Variants in PRSS55 observed in about 807,000 individuals in gnomAD.
The protein encoded by PRSS55 is serine protease 55.
A neutral mutation model predicts 23.6 loss-of-function variants in PRSS55; 41 were observed. That is an observed-to-expected ratio of 1.74 (90% confidence interval 1.35 to 2.26). The LOEUF is 2.26. Ranked by LOEUF, PRSS55 falls within the 30% of genes most tolerant of loss-of-function variation. PRSS55 has a pLI of 0.00. For missense variants in PRSS55, 669 were observed against 439.1 expected (o/e 1.52, Z -4.68); for synonymous variants, 262 against 175.5 (o/e 1.49, Z -3.90).
intron 4 of PRSS55, among the ~76,000 whole-genome samples, chr8:10,550,305 G>A (rs1236131467): frequency 1.3e-5 from 2 of 152,174 alleles, no homozygotes; most frequent in African/African-American, 2.4e-5. Flanking sequence ...TGGGGGTCTA[G>A]AACTCCCAGC....
Position 10,550,543 on chromosome 8 carries a change from T to G in PRSS55, c.742-3400T>G, listed in dbSNP as rs139921492. On this transcript the variant is annotated intron_variant, in intron 4 of 4. Transcript: ENST00000522210. Reference sequence around the variant, plus strand: ...CAAACTCCAGCACACTCCCAGCTGATGCCGTTTTGTTGAGTTGACTGGAGA... The same window carrying G: ...CAAACTCCAGCACACTCCCAGCTGAGGCCGTTTTGTTGAGTTGACTGGAGA... 2.6e-3 allele frequency among the ~76,000 whole-genome samples: 401 copies of G among 152,308 alleles called. 1 individual carries two copies. Among genetic ancestry groups the G allele is most frequent in the African/African-American group, 9.3e-3 (385 of 41,582 alleles).
At chr8:10,542,057 A>G (rs1812671283), downstream of PRSS55, among the ~76,000 whole-genome samples, 1 of 152,212 alleles carries the variant, frequency 6.6e-6, no homozygotes, top group Non-Finnish European at 1.5e-5. Context: ...GATGACAGGC[A>G]TTAAGTCACC....
downstream of PRSS55, among the ~76,000 whole-genome samples, chr8:10,542,700 T>A (rs1332570113): frequency 6.8e-6 from 1 of 147,590 alleles, no homozygotes; most frequent in Admixed American, 7.1e-5. Context: ...AAACCCCATC[T>A]CAACTAAAAA....
At chr8:10,531,675 C>T in intron 3 of PRSS55, 130 bp downstream of exon 3, 1 of 1,356,642 alleles carries the variant, frequency 7.4e-7, no homozygotes, top group Admixed American at 2.4e-5. Context: ...TCTCACAGTG[C>T]CCAAAGTTTA....
intron 1 of PRSS55, among the ~76,000 whole-genome samples, chr8:10,528,723 A>C (rs1585865777): frequency 6.6e-6 from 1 of 152,196 alleles, no homozygotes; most frequent in Non-Finnish European, 1.5e-5. Flanking sequence ...GGCTTAAACA[A>C]CACAAATGTC....
chr8:10,549,003 T>G (rs1395804256), intron 4 of PRSS55, among the ~76,000 whole-genome samples: 2 of 152,166 alleles, frequency 1.3e-5, no homozygotes, highest in Non-Finnish European at 1.5e-5. Flanking sequence ...GCATCTCGTC[T>G]GTGGGTGCTG....
At chr8:10,533,683 G>C (rs767965132) in intron 4 of PRSS55, among the ~76,000 whole-genome samples, 8 of 152,194 alleles carry the variant, frequency 5.3e-5, no homozygotes, top group Non-Finnish European at 1.2e-4. Context: ...TTAATGCTCA[G>C]AGGTGCTCCC....
At chr8:10,538,037 T>C (rs1045555637) in intron 4 of PRSS55, among the ~76,000 whole-genome samples, 3 of 152,216 alleles carry the variant, frequency 2.0e-5, no homozygotes, top group Non-Finnish European at 2.9e-5. Flanking sequence ...CTCTCTGTGC[T>C]TCTGCAAGAA....
At chr8:10,548,566 A>G (rs886908357) in intron 4 of PRSS55, among the ~76,000 whole-genome samples, 13 of 150,806 alleles carry the variant, frequency 8.6e-5, no homozygotes, top group Admixed American at 4.6e-4. Flanking sequence ...GTCACTTTGG[A>G]CCCTTTCCTT....
At chr8:10,537,074 C>T (rs569691370) in intron 4 of PRSS55, among the ~76,000 whole-genome samples, 1 of 152,052 alleles carries the variant, frequency 6.6e-6, no homozygotes, top group African/African-American at 2.4e-5. Flanking sequence ...ATGGAGGGTA[C>T]TAAAAAAATT....
chr8:10,553,014 G>T (rs1812984400), intron 4 of PRSS55, among the ~76,000 whole-genome samples: 1 of 152,226 alleles, frequency 6.6e-6, no homozygotes, highest in Admixed American at 6.5e-5. Context: ...ATGTGGTTTA[G>T]TTCTGTGTCC....
At chr8:10,542,254 T>A (rs1812677284), downstream of PRSS55, among the ~76,000 whole-genome samples, 1 of 152,052 alleles carries the variant, frequency 6.6e-6, no homozygotes, top group Non-Finnish European at 1.5e-5. Context: ...CCAGTGCGGA[T>A]GTGTGGGGAC....
At chr8:10,537,683 T>C (rs1156399214) in intron 4 of PRSS55, among the ~76,000 whole-genome samples, 2 of 152,236 alleles carry the variant, frequency 1.3e-5, no homozygotes, top group East Asian at 3.8e-4. Context: ...GCACATTGTA[T>C]GCCTATATCA....
At chr8:10,529,729 T>A in intron 2 of PRSS55, 30 bp downstream of exon 2, 2 of 1,593,934 alleles carry the variant, frequency 1.3e-6, no homozygotes, top group Non-Finnish European at 8.6e-7. Flanking sequence ...CACTGCCACC[T>A]CTCAGGGCGC....
intron 4 of PRSS55, among the ~76,000 whole-genome samples, chr8:10,533,582 C>A (rs568941861): frequency 6.6e-6 from 1 of 152,024 alleles, no homozygotes; most frequent in Non-Finnish European, 1.5e-5. Context: ...AATGAATACA[C>A]GTTCTTTCTA....
downstream of PRSS55, among the ~76,000 whole-genome samples, chr8:10,539,207 C>T (rs1207740358): frequency 6.6e-6 from 1 of 152,114 alleles, no homozygotes; most frequent in East Asian, 1.9e-4. Context: ...CAAAGAATTC[C>T]CTGTTGTTCT....
downstream of PRSS55, among the ~76,000 whole-genome samples, chr8:10,543,013 C>T (rs59257540): frequency 0.3 from 44,860 of 151,744 alleles, 7,193 homozygotes; most frequent in South Asian, 0.47. Flanking sequence ...TTCCTTATTG[C>T]AAGTTTCTGA....
chr8:10,537,685 C>T (rs183689817), intron 4 of PRSS55, among the ~76,000 whole-genome samples: 90 of 152,250 alleles, frequency 5.9e-4, no homozygotes, highest in African/African-American at 2.0e-3. Flanking sequence ...ACATTGTATG[C>T]CTATATCAAA....
chr8:10,529,748 G>C, intron 2 of PRSS55, 49 bp downstream of exon 2: 1 of 1,556,486 alleles, frequency 6.4e-7, no homozygotes, highest in Admixed American at 1.7e-5. Context: ...GCCCACCCCT[G>C]GGGCACCCTC....
Sources: gnomAD v4.1 joint callset for allele counts (sites outside exome capture counted in the v4.1 genomes callset) on GRCh38, gnomAD v4.1.1 for gene constraint, MANE v1.5 for transcripts, NCBI Gene and HGNC (gene_info 2026-07-23, HGNC 2026-07-21) for gene names.